SLCO2A1: variants seen among roughly 807,000 people sequenced by gnomAD.
The protein encoded by SLCO2A1 is matrin F/G 1.
A neutral mutation model predicts 71.7 loss-of-function variants in SLCO2A1; 60 were observed. The ratio of observed to expected loss-of-function variants is 0.84; its 90% CI spans 0.68 to 1.04. The LOEUF (loss-of-function observed/expected upper bound fraction) is 1.04. SLCO2A1 is among the 50% of genes least tolerant of loss of function. The pLI is 0.00. For missense variants in SLCO2A1, 745 were observed against 813.4 expected (o/e 0.92, Z 1.02); for synonymous variants, 308 against 326.7 (o/e 0.94, Z 0.62).
chr3:134,002,771 C>T (rs1225086562), intron 1 of SLCO2A1, among the ~76,000 whole-genome samples: 1 of 152,196 alleles, frequency 6.6e-6, no homozygotes, highest in Non-Finnish European at 1.5e-5. Context: ...ACTTTAAGAA[C>T]AACCACCTTA....
chr3:133,951,074 G>A, intron 6 of SLCO2A1, 134 bp downstream of exon 6: 2 of 1,209,450 alleles, frequency 1.7e-6, no homozygotes, highest in East Asian at 2.4e-5. Context: ...GGGAAGTCCT[G>A]CATCATGAAA....
At chr3:133,940,362 T>C (rs944110826) in intron 11 of SLCO2A1, among the ~76,000 whole-genome samples, 5 of 152,284 alleles carry the variant, frequency 3.3e-5, no homozygotes, top group African/African-American at 1.2e-4. Context: ...CGTTGTGGGA[T>C]CCTGGGGCCT....
At chr3:134,019,320 A>C (rs1012066143) in intron 1 of SLCO2A1, among the ~76,000 whole-genome samples, 1 of 152,208 alleles carries the variant, frequency 6.6e-6, no homozygotes, top group Non-Finnish European at 1.5e-5. Context: ...AGGATTAAAT[A>C]TAGATAAAGT....
At chr3:133,960,098 T>A (rs559781158) in intron 3 of SLCO2A1, among the ~76,000 whole-genome samples, 6 of 151,882 alleles carry the variant, frequency 4.0e-5, no homozygotes, top group Admixed American at 2.6e-4. Flanking sequence ...CCAGCCTGGG[T>A]GACAGAGCGA....
chr3:134,023,219 T>G (rs559580934), intron 1 of SLCO2A1, among the ~76,000 whole-genome samples: 1 of 152,272 alleles, frequency 6.6e-6, no homozygotes, highest in African/African-American at 2.4e-5. Context: ...TGGGCCATAG[T>G]CCCAGGGGAA....
At chr3:133,971,576 T>C (rs186283950) in intron 3 of SLCO2A1, among the ~76,000 whole-genome samples, 21 of 152,366 alleles carry the variant, frequency 1.4e-4, no homozygotes, top group African/African-American at 4.8e-4. Context: ...CCTGACAATC[T>C]TAAGGGCTGC....
At chr3:133,973,873 A>C in intron 2 of SLCO2A1, 48 bp from the exon 3 acceptor site, 1 of 1,556,956 alleles carries the variant, frequency 6.4e-7, no homozygotes, top group South Asian at 1.2e-5. Flanking sequence ...CCCTGTCCTC[A>C]CCCACCCACA....
chr3:133,988,062 C>G (rs920091920), intron 1 of SLCO2A1, among the ~76,000 whole-genome samples: 1 of 152,192 alleles, frequency 6.6e-6, no homozygotes, highest in African/African-American at 2.4e-5. Context: ...CCCTCACTGC[C>G]CCAAGCATCT....
At chr3:133,954,916 A>G (rs1308146474) in intron 4 of SLCO2A1, 50 bp downstream of exon 4, 2 of 1,465,474 alleles carry the variant, frequency 1.4e-6, no homozygotes. Flanking sequence ...ATCAAGTGCT[A>G]CATCAGGACC....
intron 3 of SLCO2A1, among the ~76,000 whole-genome samples, chr3:133,964,193 A>T (rs1030271884): frequency 1.3e-5 from 2 of 152,212 alleles, no homozygotes; most frequent in Non-Finnish European, 2.9e-5. Flanking sequence ...GGGGCAATGG[A>T]AGAAATTCAC....
Position 133,947,507 on chromosome 3 carries a change from A to G in SLCO2A1, c.1106-62T>C, listed in dbSNP as rs1285329259. On this transcript the variant is annotated intron_variant, in intron 8 of 13. Coordinates refer to ENST00000310926, the MANE Select transcript of SLCO2A1 (RefSeq NM_005630.3). ...GGCCTGGGACTGCATGTGGGCTACAAACACTGAGCTGGATCACTGAGAAGG... is the reference window on the plus strand; with the variant it reads ...GGCCTGGGACTGCATGTGGGCTACAGACACTGAGCTGGATCACTGAGAAGG... 5 of 1,399,058 alleles carry G rather than the reference A, an allele frequency of 3.6e-6. No homozygotes were observed. In the African/African-American group the frequency reaches 4.3e-5, roughly 12 times the overall value. The allele number at this position is 1,399,058 out of a possible 1,614,324, so 86.7% of individuals were successfully genotyped here. A position where few individuals can be genotyped will look rare whatever the true frequency, so the allele number is the denominator to read the frequency against.
intron 5 of SLCO2A1, among the ~76,000 whole-genome samples, chr3:133,952,877 G>C (rs920227619): frequency 5.3e-5 from 8 of 152,130 alleles, no homozygotes; most frequent in African/African-American, 1.7e-4. Flanking sequence ...GACCCAGGCA[G>C]TCCCGTCCCA....
intron 1 of SLCO2A1, among the ~76,000 whole-genome samples, chr3:133,984,717 G>A (rs991424589): frequency 3.9e-5 from 6 of 152,218 alleles, no homozygotes; most frequent in African/African-American, 1.4e-4. Flanking sequence ...ACATGGAGAT[G>A]TATTGGTGGG....
At chr3:134,020,100 C>T (rs536462598) in intron 1 of SLCO2A1, among the ~76,000 whole-genome samples, 3 of 152,166 alleles carry the variant, frequency 2.0e-5, no homozygotes, top group Non-Finnish European at 2.9e-5. Flanking sequence ...TGTTTTGTTC[C>T]GATCTAATTA....
chr3:134,007,601 C>G (rs1446654357), intron 1 of SLCO2A1, among the ~76,000 whole-genome samples: 1 of 151,948 alleles, frequency 6.6e-6, no homozygotes, highest in Non-Finnish European at 1.5e-5. Context: ...ATTTTTTTAC[C>G]CAGAGATCTT....
intron 3 of SLCO2A1, among the ~76,000 whole-genome samples, chr3:133,956,281 C>T (rs760207072): frequency 6.6e-5 from 10 of 152,122 alleles, no homozygotes; most frequent in South Asian, 6.2e-4. Context: ...TGGACTCTGC[C>T]GGTGCTGTTG....
At chr3:134,006,003 C>G (rs1935206875) in intron 1 of SLCO2A1, among the ~76,000 whole-genome samples, 1 of 151,618 alleles carries the variant, frequency 6.6e-6, no homozygotes, top group South Asian at 2.1e-4. Flanking sequence ...TAATGATTAC[C>G]CACATATTTT....
intron 2 of SLCO2A1, among the ~76,000 whole-genome samples, chr3:133,978,661 G>C (rs114890721): frequency 6.6e-6 from 1 of 152,038 alleles, no homozygotes; most frequent in Non-Finnish European, 1.5e-5. Flanking sequence ...GGAGCAACCC[G>C]GCTCTGGGGA....
Position 133,940,384 on chromosome 3 carries a change from C to T in SLCO2A1, c.1626-1891G>A, listed in dbSNP as rs371205788. On this transcript the variant is annotated intron_variant, in intron 11 of 13. Transcript: ENST00000310926. ...GGATCCTGGGGCCTCCTCTCCACCC[C>T]CTACCCCAACTCGACCTAGAAAGGA... Among the ~76,000 whole-genome samples the T allele has an allele frequency of 1.7e-4, 26 of 152,294 alleles. 1 individual carries two copies. Among genetic ancestry groups the T allele is most frequent in the Admixed American group, 3.3e-4 (5 of 15,294 alleles).
Sources: allele counts gnomAD v4.1 joint callset (sites outside exome capture counted in the v4.1 genomes callset), GRCh38; gene constraint gnomAD v4.1.1; transcripts MANE v1.5; gene names NCBI Gene and HGNC (gene_info 2026-07-23, HGNC 2026-07-21).